The following THADA variants were observed in gnomAD, a reference collection of about 807,000 sequenced individuals.
The protein encoded by THADA is THADA armadillo repeat containing, also known as tRNA (32-2'-O)-methyltransferase regulator THADA.
THADA carries 213 observed loss-of-function variants against 219.8 expected under a neutral mutation model. That is an observed-to-expected ratio of 0.97 (90% CI 0.87 to 1.09). The LOEUF is 1.09. Among genes scored for constraint, THADA ranks in the 50% least tolerant of loss-of-function variants. The probability of loss-of-function intolerance (pLI) is 0.00; values close to 1 mark genes in which losing one functional copy is unlikely to be tolerated. For synonymous variants in THADA, 1,018 were observed against 828.9 expected, an observed-to-expected ratio of 1.23 and a Z score of -3.92; for missense variants, 2,956 against 2,311.3, an observed-to-expected ratio of 1.28 and a Z score of -5.72.
intron 29 of THADA, 44 bp downstream of exon 29, chr2:43,397,927 T>C (rs375780129): frequency 1.9e-6 from 3 of 1,602,390 alleles, no homozygotes; most frequent in Non-Finnish European, 8.5e-7. Flanking sequence ...CCAAAGTTCA[T>C]CTTATGGTGT....
Position 43,431,188 on chromosome 2 carries a change from C to T in THADA, c.3837-886G>A, listed in dbSNP as rs139802936. Reference sequence around the variant, plus strand: ...TTTTATCAGCTCTACATGTTATGTTCCTATTAATTGAAATCCAGAATATCA... The same window carrying T: ...TTTTATCAGCTCTACATGTTATGTTTCTATTAATTGAAATCCAGAATATCA... On this transcript the variant is annotated intron_variant, in intron 26 of 37. Transcript: ENST00000405975. 1.6e-3 allele frequency among the ~76,000 whole-genome samples: 237 copies of T among 152,194 alleles called. 2 individuals are homozygous for T. Among genetic ancestry groups the T allele is most frequent in the African/African-American group, 5.5e-3 (228 of 41,528 alleles).
At chr2:43,459,636 T>A (rs1683399293) in intron 26 of THADA, among the ~76,000 whole-genome samples, 1 of 152,190 alleles carries the variant, frequency 6.6e-6, no homozygotes, top group African/African-American at 2.4e-5. Context: ...GGGTCCTGGC[T>A]GGTTCTCAAA....
At chr2:43,504,313 G>T (rs1284098375) in intron 24 of THADA, among the ~76,000 whole-genome samples, 2 of 152,094 alleles carry the variant, frequency 1.3e-5, no homozygotes, top group African/African-American at 4.8e-5. Context: ...TGTGCCATAT[G>T]ACTATGTTCC....
intron 31 of THADA, 37 bp downstream of exon 31, chr2:43,320,409 T>C: frequency 1.3e-6 from 2 of 1,526,360 alleles, no homozygotes; most frequent in Non-Finnish European, 1.8e-6. Flanking sequence ...CAAAGATGTG[T>C]AACGATTCCA....
At chr2:43,534,969 G>A (rs1694359496) in intron 21 of THADA, among the ~76,000 whole-genome samples, 1 of 152,030 alleles carries the variant, frequency 6.6e-6, no homozygotes, top group South Asian at 2.1e-4. Flanking sequence ...CCAATAGGGT[G>A]TAAGAGTTCC....
intron 31 of THADA, among the ~76,000 whole-genome samples, chr2:43,301,828 TAG>T (rs1044152930): frequency 2.0e-5 from 3 of 152,142 alleles, no homozygotes; most frequent in African/African-American, 7.2e-5. Flanking sequence ...CCACTGCAGG[TAG>T]AGTTCGTCAA....
In THADA at chr2:43,449,072, G is replaced by A. The variant is rs112571390; in HGVS notation, c.3837-18770C>T. ...TGTTCAAAAAACTAAAAGAAGACAT[G>A]GAGAAAGTCAAGAAAATGATACATG... is the stretch of plus-strand genomic sequence containing the variant. On this transcript the variant is annotated intron_variant, in intron 26 of 37. Transcript: ENST00000405975. Among the ~76,000 whole-genome samples, 36 of 151,988 alleles carry A rather than the reference G, an allele frequency of 2.4e-4. 1 individual carries two copies. The highest frequency in any genetic ancestry group is 8.4e-4 in the African/African-American group (35 of 41,470).
chr2:43,595,369 G>A (rs1702031338), intron 1 of THADA, among the ~76,000 whole-genome samples: 1 of 152,136 alleles, frequency 6.6e-6, no homozygotes, highest in African/African-American at 2.4e-5. Context: ...GAGGAATAGA[G>A]GCACGCTTCC....
intron 29 of THADA, among the ~76,000 whole-genome samples, chr2:43,364,472 C>T (rs1362848328): frequency 1.3e-5 from 2 of 152,162 alleles, no homozygotes; most frequent in African/African-American, 4.8e-5. Context: ...AGCTTCTACC[C>T]ATCTTATGCT....
At chr2:43,278,969 T>A (rs1400936600) in intron 36 of THADA, among the ~76,000 whole-genome samples, 1 of 152,174 alleles carries the variant, frequency 6.6e-6, no homozygotes, top group Non-Finnish European at 1.5e-5. Context: ...CCAGAGACCT[T>A]TCCTGGCACC....
chr2:43,435,159 AAAC>A (rs1679907792), intron 26 of THADA, among the ~76,000 whole-genome samples: 1 of 152,192 alleles, frequency 6.6e-6, no homozygotes, highest in Non-Finnish European at 1.5e-5. Context: ...AAAACAGCAT[AAAC>A]AAATAGCCAG....
intron 22 of THADA, among the ~76,000 whole-genome samples, chr2:43,513,423 C>G (rs1000951715): frequency 3.3e-5 from 5 of 152,114 alleles, no homozygotes; most frequent in African/African-American, 1.2e-4. Flanking sequence ...ACCAGAGACC[C>G]AAGAGTTACA....
At chr2:43,514,076 T>A (rs896532894) in intron 22 of THADA, among the ~76,000 whole-genome samples, 15 of 141,122 alleles carry the variant, frequency 1.1e-4, no homozygotes, top group Admixed American at 2.1e-4. Flanking sequence ...AAAAAAAAAA[T>A]AAAGAACAAG....
chr2:43,500,813 A>G (rs1688855461), intron 24 of THADA, among the ~76,000 whole-genome samples: 1 of 152,224 alleles, frequency 6.6e-6, no homozygotes, highest in African/African-American at 2.4e-5. Flanking sequence ...ATTATCCATA[A>G]AACAAATCCA....
intron 26 of THADA, among the ~76,000 whole-genome samples, chr2:43,458,264 C>G (rs1683245156): frequency 6.6e-6 from 1 of 152,140 alleles, no homozygotes; most frequent in African/African-American, 2.4e-5. Flanking sequence ...AAAGATATGA[C>G]TCACAGGGAG....
At chr2:43,313,740 G>A (rs1194870114) in intron 31 of THADA, among the ~76,000 whole-genome samples, 1 of 152,230 alleles carries the variant, frequency 6.6e-6, no homozygotes, top group Non-Finnish European at 1.5e-5. Context: ...CTTCTCTGTG[G>A]CCTGGGCATT....
rs527337339 is a variant in THADA at position 43,361,021 on chromosome 2, C to A, written c.4228-16784G>T. Among the ~76,000 whole-genome samples, 3 of 148,224 alleles carry A rather than the reference C, an allele frequency of 2.0e-5. No homozygotes were observed. The South Asian group carries it at 6.3e-4, about 31-fold the overall frequency. On this transcript the variant is annotated intron_variant, in intron 29 of 37. Coordinates refer to ENST00000405975, the MANE Select transcript of THADA (RefSeq NM_022065.5). ...TGAAAGGGGGTGCTACCAGCATCTA[C>A]CACAACTGAAAGGGGGTGCTACCAG...
intron 15 of THADA, chr2:43,562,122 A>G (rs1049384915): frequency 6.6e-6 from 1 of 152,146 alleles, no homozygotes; most frequent in Non-Finnish European, 1.5e-5. Flanking sequence ...TAACACTTTT[A>G]ATATGCTGTT....
At chr2:43,431,105 C>T (rs527864020) in intron 26 of THADA, among the ~76,000 whole-genome samples, 1 of 152,300 alleles carries the variant, frequency 6.6e-6, no homozygotes, top group South Asian at 2.1e-4. Context: ...AAACTGTCTC[C>T]ATAACTATTA....
Sources: gnomAD v4.1 joint callset for allele counts (sites outside exome capture counted in the v4.1 genomes callset) on GRCh38, gnomAD v4.1.1 for gene constraint, MANE v1.5 for transcripts, NCBI Gene and HGNC (gene_info 2026-07-23, HGNC 2026-07-21) for gene names.